The following TAFA2 variants were observed in gnomAD, a reference collection of about 807,000 sequenced individuals.
TAFA2 encodes TAFA chemokine like family member 2, also known as chemokine-like protein TAFA-2.
TAFA2 carries 7 observed loss-of-function variants against 18.8 expected under a neutral mutation model. That is an observed-to-expected ratio of 0.37 (90% CI 0.21 to 0.70). The LOEUF (loss-of-function observed/expected upper bound fraction) is 0.70, where lower values mean the gene tolerates loss of function less well. Among genes scored for constraint, TAFA2 ranks in the 30% least tolerant of loss-of-function variants. The pLI is 0.53. For synonymous variants in TAFA2, 60 were observed against 54.2 expected (o/e 1.11, Z -0.47); for missense variants, 122 against 158.1 (o/e 0.77, Z 1.23).
At chr12:61,907,788 G>A (rs1351479853) in intron 1 of TAFA2, among the ~76,000 whole-genome samples, 4 of 152,192 alleles carry the variant, frequency 2.6e-5, no homozygotes, top group Non-Finnish European at 5.9e-5. Context: ...GGGTGGAGCT[G>A]CCCAAGGCTA....
intron 1 of TAFA2, among the ~76,000 whole-genome samples, chr12:62,162,874 G>C (rs1433796054): frequency 1.3e-5 from 2 of 152,024 alleles, no homozygotes; most frequent in Non-Finnish European, 2.9e-5. Flanking sequence ...GTCAGCTTCT[G>C]CTTGAGAACT....
chr12:61,846,306 A>G (rs1306753531), intron 2 of TAFA2, among the ~76,000 whole-genome samples: 1 of 152,162 alleles, frequency 6.6e-6, no homozygotes, highest in Non-Finnish European at 1.5e-5. Context: ...TCCTCAGCAC[A>G]CCTTCTTCAA....
At chr12:61,980,924 C>G (rs953871183) in intron 1 of TAFA2, among the ~76,000 whole-genome samples, 4 of 152,108 alleles carry the variant, frequency 2.6e-5, no homozygotes, top group Non-Finnish European at 4.4e-5. Context: ...ATCAAGCTAC[C>G]AATGACTTTC....
At chr12:62,042,434 T>TGTGTGTGTGTGCGCGC (rs1565725999) in intron 1 of TAFA2, among the ~76,000 whole-genome samples, 1 of 69,912 alleles carries the variant, frequency 1.4e-5, no homozygotes, top group African/African-American at 4.6e-5. Context: ...TGTGTGCGCG[T>TGTGTGTGTGTGCGCGC]GTGTGTGTGT....
intron 1 of TAFA2, among the ~76,000 whole-genome samples, chr12:61,924,763 C>A (rs1233883624): frequency 6.6e-6 from 1 of 152,082 alleles, no homozygotes; most frequent in African/African-American, 2.4e-5. Flanking sequence ...AGTAAATGGG[C>A]TAAATGCCCT....
intron 4 of TAFA2, among the ~76,000 whole-genome samples, chr12:61,744,269 G>A (rs1362940682): frequency 2.0e-5 from 3 of 152,070 alleles, no homozygotes; most frequent in African/African-American, 7.2e-5. Flanking sequence ...ACAATTAACT[G>A]TAAGATTATA....
chr12:62,244,481 G>C (rs982197797), intron 1 of TAFA2, among the ~76,000 whole-genome samples: 1 of 151,926 alleles, frequency 6.6e-6, no homozygotes, highest in Non-Finnish European at 1.5e-5. Context: ...ATCCACAATC[G>C]TTTACTATTT....
chr12:62,231,177 C>T (rs1394147117), intron 1 of TAFA2, among the ~76,000 whole-genome samples: 2 of 152,040 alleles, frequency 1.3e-5, no homozygotes, highest in African/African-American at 2.4e-5. Context: ...TCCATCTCTC[C>T]CTTTATATCT....
rs138122731 is a variant in TAFA2 at position 61,841,522 on chromosome 12, T to C, written c.106+25798A>G. Among the ~76,000 whole-genome samples the C allele has an allele frequency of 4.0e-3, 609 of 152,238 alleles. 4 individuals are homozygous for C. Among genetic ancestry groups the C allele is most frequent in the African/African-American group, 0.014 (575 of 41,578 alleles). ...GTCTATACGTCTGTTTTTATGCCAA[T>C]ACCATGCTGTTTTGGTTACTATAGC... On this transcript the variant is annotated intron_variant, in intron 2 of 4. Coordinates refer to ENST00000416284, the MANE Select transcript of TAFA2 (RefSeq NM_178539.5).
intron 2 of TAFA2, among the ~76,000 whole-genome samples, chr12:61,836,989 TATA>T (rs532423745): frequency 2.0e-3 from 300 of 151,534 alleles, no homozygotes; most frequent in African/African-American, 6.4e-3. Flanking sequence ...TAATTTTATT[TATA>T]ATGTTTTTTA....
intron 1 of TAFA2, among the ~76,000 whole-genome samples, chr12:62,224,180 G>A (rs2062776289): frequency 6.6e-6 from 1 of 151,892 alleles, no homozygotes; most frequent in South Asian, 2.1e-4. Context: ...AAAACATGGA[G>A]GAGGTTTTAG....
intron 1 of TAFA2, among the ~76,000 whole-genome samples, chr12:61,981,192 A>G (rs1879624264): frequency 6.6e-6 from 1 of 152,188 alleles, no homozygotes; most frequent in Admixed American, 6.5e-5. Flanking sequence ...AACCTGACAA[A>G]AAAACAAGAA....
intron 1 of TAFA2, among the ~76,000 whole-genome samples, chr12:62,083,516 C>T (rs1392324498): frequency 3.3e-5 from 5 of 152,062 alleles, no homozygotes; most frequent in African/African-American, 1.2e-4. Context: ...CTCTCCTCTC[C>T]GCCATGAAAG....
intron 1 of TAFA2, among the ~76,000 whole-genome samples, chr12:61,907,791 C>T (rs1194113825): frequency 3.3e-5 from 5 of 152,134 alleles, no homozygotes; most frequent in Non-Finnish European, 7.3e-5. Flanking sequence ...TGGAGCTGCC[C>T]AAGGCTATGG....
chr12:61,785,034 A>T (rs1404828970), intron 2 of TAFA2, among the ~76,000 whole-genome samples: 2 of 151,490 alleles, frequency 1.3e-5, no homozygotes, highest in African/African-American at 4.8e-5. Flanking sequence ...TCATCCTTCA[A>T]TGCTGTAGAA....
chr12:61,910,099 T>A (rs1241796928), intron 1 of TAFA2, among the ~76,000 whole-genome samples: 1 of 85,450 alleles, frequency 1.2e-5, no homozygotes, highest in Non-Finnish European at 2.1e-5. Context: ...TGTGTGTGTG[T>A]TTGTGTGTGT....
chr12:62,250,020 AG>A (rs1167772096), intron 1 of TAFA2, among the ~76,000 whole-genome samples: 4 of 152,196 alleles, frequency 2.6e-5, no homozygotes, highest in Non-Finnish European at 4.4e-5. Context: ...ATAATGAAAA[AG>A]GGTTTATTTG....
rs2062315895 is a variant in TAFA2, at chr12:62,149,906, T to C, written c.-2+41353A>G. On this transcript the variant is annotated intron_variant, in intron 1 of 4. Transcript: ENST00000416284. ...TGTGAAATTGCTGTTGAAGATACCA[T>C]CCATCTCCCTTTTATAAAGATCGAC... is the stretch of plus-strand genomic sequence containing the variant. 2.0e-5 allele frequency among the ~76,000 whole-genome samples: 3 copies of C among 152,168 alleles called. No individual in the cohort carries two copies. The South Asian group carries it at 6.2e-4, about 32-fold the overall frequency.
chr12:61,928,142 A>C (rs1415534500), intron 1 of TAFA2, among the ~76,000 whole-genome samples: 1 of 152,238 alleles, frequency 6.6e-6, no homozygotes, highest in African/African-American at 2.4e-5. Flanking sequence ...AATGGCAACG[A>C]AGCCAAAATT....
Sources: allele counts gnomAD v4.1 joint callset (sites outside exome capture counted in the v4.1 genomes callset), GRCh38; gene constraint gnomAD v4.1.1; transcripts MANE v1.5; gene names NCBI Gene and HGNC (gene_info 2026-07-23, HGNC 2026-07-21).